PLCB1: variants seen among roughly 807,000 people sequenced by gnomAD.
PLCB1 encodes 1-phosphatidylinositol 4,5-bisphosphate phosphodiesterase beta-1.
PLCB1 carries 46 observed loss-of-function variants against 161.8 expected under a neutral mutation model. That is an observed-to-expected ratio of 0.28 (90% CI 0.22 to 0.36). The LOEUF is 0.36. Ranked by LOEUF, PLCB1 falls within the 10% of genes least tolerant of loss-of-function variation. The pLI is 1.00. For synonymous variants in PLCB1, 517 were observed against 503.7 expected, an observed-to-expected ratio of 1.03 and a Z score of -0.35; for missense variants, 1,016 against 1,472.5, an observed-to-expected ratio of 0.69 and a Z score of 5.07.
At chr20:8,289,682 C>A (rs548224128) in intron 2 of PLCB1, among the ~76,000 whole-genome samples, 7 of 152,118 alleles carry the variant, frequency 4.6e-5, no homozygotes, top group South Asian at 2.1e-4. Context: ...ACCAGGCTAA[C>A]AAGTAAAGAC....
chr20:8,335,291 G>A (rs974494793), intron 2 of PLCB1, among the ~76,000 whole-genome samples: 1 of 152,096 alleles, frequency 6.6e-6, no homozygotes, highest in Non-Finnish European at 1.5e-5. Flanking sequence ...CAGGGCAAAG[G>A]GTCAATATCT....
intron 31 of PLCB1, among the ~76,000 whole-genome samples, chr20:8,846,417 G>T (rs1169706103): frequency 6.6e-6 from 1 of 151,928 alleles, no homozygotes; most frequent in Non-Finnish European, 1.5e-5. Context: ...GCACAACACT[G>T]GTACAACCTA....
At chr20:8,192,738 G>T (rs1361471041) in intron 2 of PLCB1, among the ~76,000 whole-genome samples, 1 of 151,774 alleles carries the variant, frequency 6.6e-6, no homozygotes, top group Non-Finnish European at 1.5e-5. Context: ...TTAAGGAATT[G>T]GATAGGTAGA....
chr20:8,350,423 G>T (rs1986146199), intron 2 of PLCB1, among the ~76,000 whole-genome samples: 1 of 152,140 alleles, frequency 6.6e-6, no homozygotes, highest in African/African-American at 2.4e-5. Context: ...ACATGATCTT[G>T]TTCCTTTTTA....
chr20:8,539,816 G>GT (rs1312416263), intron 3 of PLCB1, among the ~76,000 whole-genome samples: 1 of 97,018 alleles, frequency 1.0e-5, no homozygotes, highest in African/African-American at 4.0e-5. Context: ...GTTGTTCTTT[G>GT]TTTTTTTGTT....
At chr20:8,553,131 A>G (rs1252785667) in intron 3 of PLCB1, among the ~76,000 whole-genome samples, 1 of 152,204 alleles carries the variant, frequency 6.6e-6, no homozygotes, top group Non-Finnish European at 1.5e-5. Context: ...CAGATAAATC[A>G]GTTACCAGAA....
intron 31 of PLCB1, among the ~76,000 whole-genome samples, chr20:8,842,488 A>T (rs967623515): frequency 2.0e-5 from 3 of 152,176 alleles, no homozygotes; most frequent in African/African-American, 2.4e-5. Context: ...TGGATTCTGT[A>T]CGTAATAGGT....
chr20:8,409,444 T>A (rs6086437), intron 3 of PLCB1, among the ~76,000 whole-genome samples: 16,775 of 147,748 alleles, frequency 0.11, 1,208 homozygotes, highest in Admixed American at 0.18. Flanking sequence ...GTATATTATT[T>A]TTATTATTAT....
intron 2 of PLCB1, among the ~76,000 whole-genome samples, chr20:8,350,427 C>T (rs1986146514): frequency 6.6e-6 from 1 of 152,138 alleles, no homozygotes; most frequent in Non-Finnish European, 1.5e-5. Flanking sequence ...GATCTTGTTC[C>T]TTTTTATGGC....
intron 3 of PLCB1, among the ~76,000 whole-genome samples, chr20:8,442,958 A>C (rs150830844): frequency 6.6e-6 from 1 of 150,848 alleles, no homozygotes; most frequent in Non-Finnish European, 1.5e-5. Context: ...TTATAAAATT[A>C]TCTTGTGAGT....
intron 10 of PLCB1, among the ~76,000 whole-genome samples, chr20:8,687,395 A>T (rs1990384216): frequency 6.6e-6 from 1 of 152,144 alleles, no homozygotes. Flanking sequence ...TGGTTACATG[A>T]GTAAGTTCTT....
At chr20:8,310,654 G>T (rs1180689199) in intron 2 of PLCB1, among the ~76,000 whole-genome samples, 1 of 151,960 alleles carries the variant, frequency 6.6e-6, no homozygotes, top group African/African-American at 2.4e-5. Context: ...GTGCAGGTTG[G>T]TTACAAGGAT....
At chr20:8,817,576 A>C (rs1985140123) in intron 31 of PLCB1, among the ~76,000 whole-genome samples, 1 of 152,196 alleles carries the variant, frequency 6.6e-6, no homozygotes. Flanking sequence ...AAAGAGATTT[A>C]ATTTAAATCT....
At chr20:8,219,867 A>G (rs1206372224) in intron 2 of PLCB1, among the ~76,000 whole-genome samples, 1 of 152,182 alleles carries the variant, frequency 6.6e-6, no homozygotes, top group African/African-American at 2.4e-5. Flanking sequence ...ATTATTTATA[A>G]GTAGTACATG....
At chr20:8,740,270 C>A in intron 21 of PLCB1, 74 bp from the exon 22 acceptor site, 1 of 763,334 alleles carries the variant, frequency 1.3e-6, no homozygotes, top group Non-Finnish European at 2.2e-6. Context: ...ATGCTTTCAT[C>A]ACATAGATGC....
chr20:8,182,251 G>A (rs1306000008), intron 2 of PLCB1, among the ~76,000 whole-genome samples: 2 of 152,120 alleles, frequency 1.3e-5, no homozygotes, highest in Non-Finnish European at 2.9e-5. Context: ...CTTTCCTGTG[G>A]CATACCTCTT....
In PLCB1 at chr20:8,210,777, G is replaced by A. The variant is rs1274774485; in HGVS notation, c.177+60406G>A. Among the ~76,000 whole-genome samples, 8 of 152,230 alleles carry A rather than the reference G, an allele frequency of 5.3e-5. No individual in the cohort carries two copies. In the East Asian group the frequency reaches 1.4e-3, roughly 26 times the overall value. On this transcript the variant is annotated intron_variant, in intron 2 of 31. Coordinates refer to ENST00000338037, the MANE Select transcript of PLCB1 (RefSeq NM_015192.4). ...CTAATTGGAGAACTCAGCCCTCAAT[G>A]TCAGACAAACTCTGATTTCATTTCT... is the stretch of plus-strand genomic sequence containing the variant.
intron 15 of PLCB1, among the ~76,000 whole-genome samples, chr20:8,724,133 A>G (rs1979800734): frequency 6.6e-6 from 1 of 150,942 alleles, no homozygotes; most frequent in Non-Finnish European, 1.5e-5. Context: ...CCCGGGTGAC[A>G]AAATAATCTG....
chr20:8,262,780 AG>A (rs1981769270), intron 2 of PLCB1, among the ~76,000 whole-genome samples: 1 of 152,172 alleles, frequency 6.6e-6, no homozygotes, highest in Non-Finnish European at 1.5e-5. Context: ...GTTCCTGGTG[AG>A]GACCTGCTTT....
Sources: gnomAD v4.1 joint callset for allele counts (sites outside exome capture counted in the v4.1 genomes callset) on GRCh38, gnomAD v4.1.1 for gene constraint, MANE v1.5 for transcripts, NCBI Gene and HGNC (gene_info 2026-07-23, HGNC 2026-07-21) for gene names.